Variants in CDC42BPA observed in about 807,000 individuals in gnomAD.
The protein encoded by CDC42BPA is CDC42 binding protein kinase alpha.
In CDC42BPA, 80 loss-of-function variants were observed where a neutral mutation model predicts 223.5. The observed-to-expected ratio is 0.36, with a 90% confidence interval of 0.30 to 0.43. CDC42BPA has a LOEUF of 0.43. Among genes scored for constraint, CDC42BPA ranks in the 20% least tolerant of loss-of-function variants. CDC42BPA has a pLI of 1.00. For synonymous variants in CDC42BPA, 694 were observed against 718.6 expected (o/e 0.97, Z 0.55); for missense variants, 1,743 against 2,099.9 (o/e 0.83, Z 3.32).
chr1:227,219,947 C>T (rs1419906309), intron 2 of CDC42BPA, among the ~76,000 whole-genome samples: 7 of 152,120 alleles, frequency 4.6e-5, no homozygotes, highest in African/African-American at 1.7e-4. Flanking sequence ...AATCAGTACA[C>T]ACATACAGCA....
At chr1:227,025,237 T>C (rs1002414350) in intron 31 of CDC42BPA, among the ~76,000 whole-genome samples, 6 of 151,474 alleles carry the variant, frequency 4.0e-5, no homozygotes, top group South Asian at 2.1e-4. Context: ...AGCGAGACCC[T>C]GTCTCAAAAA....
intron 14 of CDC42BPA, among the ~76,000 whole-genome samples, chr1:227,106,557 G>C (rs1685968903): frequency 6.6e-6 from 1 of 152,106 alleles, no homozygotes; most frequent in Non-Finnish European, 1.5e-5. Context: ...GGTAATGCCA[G>C]CTTCACAGAA....
At chr1:227,068,072 T>C (rs982827194) in intron 21 of CDC42BPA, among the ~76,000 whole-genome samples, 2 of 151,962 alleles carry the variant, frequency 1.3e-5, no homozygotes, top group Non-Finnish European at 2.9e-5. Context: ...AGTCAATTTA[T>C]AGTGCATATA....
intron 1 of CDC42BPA, among the ~76,000 whole-genome samples, chr1:227,310,933 C>T (rs960320596): frequency 4.0e-5 from 6 of 151,866 alleles, no homozygotes; most frequent in Admixed American, 2.0e-4. Context: ...CCTCGTGATC[C>T]GCCCACCTCG....
At chr1:227,216,522 T>C (rs771515803) in intron 2 of CDC42BPA, among the ~76,000 whole-genome samples, 8 of 152,232 alleles carry the variant, frequency 5.3e-5, no homozygotes, top group Non-Finnish European at 1.0e-4. Flanking sequence ...TCTTGAATTA[T>C]TGAATTGATA....
intron 2 of CDC42BPA, among the ~76,000 whole-genome samples, chr1:227,248,967 A>G (rs2148211132): frequency 6.6e-6 from 1 of 152,304 alleles, no homozygotes; most frequent in Non-Finnish European, 1.5e-5. Context: ...CAAAAGACCC[A>G]GAATAGCCAA....
In CDC42BPA at chr1:227,160,535, T is replaced by C. The variant is rs1346884243; in HGVS notation, c.693+8A>G. Reference sequence around the variant, plus strand: ...GAACAAAATAATTTAGGATTTATCTTTATTTACCGTTCCATCTTCCATCAG... The same window carrying C: ...GAACAAAATAATTTAGGATTTATCTCTATTTACCGTTCCATCTTCCATCAG... On this transcript the variant is annotated splice_region_variant and intron_variant, in intron 6 of 36. Transcript: ENST00000366766. 2 of 1,521,902 alleles carry C rather than the reference T, an allele frequency of 1.3e-6. No individual in the cohort carries two copies. Among genetic ancestry groups the C allele is most frequent in the South Asian group, 2.3e-5 (2 of 88,886 alleles). The allele number at this position is 1,521,902 out of a possible 1,614,324, so 94.3% of individuals were successfully genotyped here.
intron 5 of CDC42BPA, among the ~76,000 whole-genome samples, chr1:227,189,552 T>A (rs770467564): frequency 3.3e-5 from 5 of 152,344 alleles, no homozygotes; most frequent in Non-Finnish European, 5.9e-5. Flanking sequence ...TTATTTATTA[T>A]CCTCCTTTAA....
rs74948983 is a variant in CDC42BPA, at chr1:227,107,676, G to A, written c.2001+4636C>T. On this transcript the variant is annotated intron_variant, in intron 14 of 36. Coordinates refer to ENST00000366766, the MANE Select transcript of CDC42BPA (RefSeq NM_001394014.1). ...CTTGGACTTTTCTTTGTTAGAAGGT[G>A]GCCTGTCTTTTTTTAACAAGCCGCT... Among the ~76,000 whole-genome samples, 149 of 152,290 alleles carry A rather than the reference G, an allele frequency of 9.8e-4. 1 individual carries two copies. The East Asian group carries it at 0.021, about 22-fold the overall frequency.
At chr1:227,031,617 A>G (rs1669306209) in intron 27 of CDC42BPA, 103 bp from the exon 28 acceptor site, 1 of 813,558 alleles carries the variant, frequency 1.2e-6, no homozygotes, top group Admixed American at 2.3e-5. Context: ...TAAAATAAGC[A>G]TTCATTAAAT....
chr1:227,232,141 T>C (rs1678099740), intron 2 of CDC42BPA, among the ~76,000 whole-genome samples: 1 of 152,190 alleles, frequency 6.6e-6, no homozygotes, highest in Non-Finnish European at 1.5e-5. Context: ...CTTTAATCCA[T>C]CTTGAATTAA....
chr1:226,991,390 C>T lies in CDC42BPA; in HGVS notation c.*2878G>A, dbSNP rs769448679. On this transcript the variant is annotated 3_prime_UTR_variant, in exon 37 of 37. Transcript: ENST00000366766. ...TGTTTTCTTTGCCTAGAACCCACTC[C>T]CTGTCTTTTCACATCATTCTTCTCA... The T allele has an allele frequency of 1.3e-5, 2 of 152,160 alleles. No homozygotes were observed. Among genetic ancestry groups the T allele is most frequent in the Non-Finnish European group, 2.9e-5 (2 of 68,026 alleles). The allele number at this position is 152,160 out of a possible 1,614,324, so 9.4% of individuals were successfully genotyped here.
chr1:227,258,176 G>GGAAA lies in CDC42BPA; in HGVS notation c.179-4022_179-4021insTTTC, dbSNP rs368193166. On this transcript the variant is annotated intron_variant, in intron 1 of 36. Coordinates refer to ENST00000366766, the MANE Select transcript of CDC42BPA (RefSeq NM_001394014.1). ...GGCAACAGGGTGAAACCCTGTCCGG[G>GGAAA]AAAAAAAAAAAAAAAAAAGAACTGA... 7.1e-3 allele frequency among the ~76,000 whole-genome samples: 764 copies of GGAAA among 108,078 alleles called. 33 individuals carry two copies. The highest frequency in any genetic ancestry group is 0.026 in the African/African-American group (686 of 26,806). The allele number at this position is 108,078 out of a possible 152,430, so 70.9% of individuals were successfully genotyped here.
chr1:227,187,679 A>T (rs139974943), intron 5 of CDC42BPA, among the ~76,000 whole-genome samples: 3 of 5,480 alleles, frequency 5.5e-4, no homozygotes, highest in Non-Finnish European at 1.1e-3. Context: ...GGCACCCCCC[A>T]CCCCCCCCCC....
intron 17 of CDC42BPA, among the ~76,000 whole-genome samples, chr1:227,079,316 CACCCTTTCTATTA>C (rs1680160928): frequency 6.6e-6 from 1 of 152,054 alleles, no homozygotes; most frequent in Admixed American, 6.6e-5. Context: ...CTTTCATCTT[CACCCTTTCTATTA>C]ACCCTTTCTA....
intron 14 of CDC42BPA, among the ~76,000 whole-genome samples, chr1:227,110,929 CAT>C (rs769189072): frequency 6.6e-6 from 1 of 152,214 alleles, no homozygotes; most frequent in Non-Finnish European, 1.5e-5. Context: ...AATTCTACCA[CAT>C]GATTCATTCA....
chr1:227,293,744 G>C (rs1403338889), intron 1 of CDC42BPA, among the ~76,000 whole-genome samples: 1 of 152,144 alleles, frequency 6.6e-6, no homozygotes, highest in African/African-American at 2.4e-5. Context: ...CTGGGAGGTG[G>C]AGGTTGCAGT....
chr1:227,291,337 T>A (rs1689660264), intron 1 of CDC42BPA, among the ~76,000 whole-genome samples: 2 of 152,178 alleles, frequency 1.3e-5, no homozygotes, highest in South Asian at 4.2e-4. Flanking sequence ...TCACTTGAGG[T>A]CAGGAGTTCA....
chr1:227,303,334 T>C (rs2148753728), intron 1 of CDC42BPA, among the ~76,000 whole-genome samples: 2 of 152,342 alleles, frequency 1.3e-5, no homozygotes, highest in Middle Eastern at 3.4e-3. Flanking sequence ...TAATCTCCTG[T>C]CCTAATCCCA....
Sources: gnomAD v4.1 joint callset for allele counts (sites outside exome capture counted in the v4.1 genomes callset) on GRCh38, gnomAD v4.1.1 for gene constraint, MANE v1.5 for transcripts, NCBI Gene and HGNC (gene_info 2026-07-23, HGNC 2026-07-21) for gene names.